ADA2: variants seen among roughly 807,000 people sequenced by gnomAD.
The protein encoded by ADA2 is adenosine deaminase 2.
ADA2 carries 29 observed loss-of-function variants against 44.2 expected under a neutral mutation model. The ratio of observed to expected loss-of-function variants is 0.66; its 90% confidence interval spans 0.49 to 0.89. The LOEUF is 0.89. Ranked by LOEUF, ADA2 falls within the 40% of genes least tolerant of loss-of-function variation. ADA2 has a pLI of 0.00. For missense variants in ADA2, 637 were observed against 644.8 expected, an observed-to-expected ratio of 0.99 and a Z score of 0.13; for synonymous variants, 215 against 234.9, an observed-to-expected ratio of 0.92 and a Z score of 0.77.
intron 7 of ADA2, among the ~76,000 whole-genome samples, chr22:17,183,566 A>T (rs2061999049): frequency 6.9e-6 from 1 of 144,486 alleles, no homozygotes; most frequent in South Asian, 2.1e-4. Flanking sequence ...GTTCAAGCGG[A>T]TTCTCCTGCC....
chr22:17,217,470 A>G (rs1408897460), intron 1 of ADA2, among the ~76,000 whole-genome samples: 1 of 152,204 alleles, frequency 6.6e-6, no homozygotes, highest in African/African-American at 2.4e-5. Flanking sequence ...AAGGAAATGT[A>G]TTCAGCATCT....
chr22:17,187,974 G>A (rs1393413189), intron 7 of ADA2, among the ~76,000 whole-genome samples: 1 of 149,604 alleles, frequency 6.7e-6, no homozygotes, highest in Non-Finnish European at 1.5e-5. Context: ...CGTGGTGGCA[G>A]GTGCCTGTAG....
intron 7 of ADA2, 133 bp downstream of exon 7, chr22:17,188,206 G>A (rs2062061154): frequency 1.7e-6 from 1 of 596,474 alleles, no homozygotes; most frequent in East Asian, 2.8e-5. Flanking sequence ...GCTGTTGTCA[G>A]GATTAAGTGA....
chr22:17,185,304 T>C (rs2062023576), intron 7 of ADA2, among the ~76,000 whole-genome samples: 1 of 151,358 alleles, frequency 6.6e-6, no homozygotes, highest in Non-Finnish European at 1.5e-5. Flanking sequence ...TAGTCCCAGC[T>C]ACTCGGGAGG....
At position 17,181,918 on chromosome 22, in the gene ADA2, G is replaced by A; in HGVS notation, c.1344C>T (p.Ala448=). The A allele has an allele frequency of 6.2e-7, 1 of 1,614,112 alleles. No individual in the cohort carries two copies. The highest frequency in any genetic ancestry group is 8.5e-7 in the Non-Finnish European group (1 of 1,179,990). The change falls in exon 9 of 10, where the codon GCC becomes GCT. Residue 448 remains alanine, a synonymous_variant. Transcript: ENST00000399837. Reference sequence around the variant, plus strand: ...CATAGAAATCATAGGACAAGCCTTTGGCACCAAACATAGCTGGGTCATCAG... The same window carrying A: ...CATAGAAATCATAGGACAAGCCTTTAGCACCAAACATAGCTGGGTCATCAG... ...ISSDDPAMFG[A]KGLSYDFYEV... is the part of the protein sequence containing the mutation.
At chr22:17,202,796 T>C (rs1183304920) in intron 4 of ADA2, among the ~76,000 whole-genome samples, 1 of 150,792 alleles carries the variant, frequency 6.6e-6, no homozygotes. Context: ...TGTGTGTGTG[T>C]TTTTTGAGAC....
chr22:17,192,040 T>G (rs943773032), intron 4 of ADA2, among the ~76,000 whole-genome samples: 1 of 151,642 alleles, frequency 6.6e-6, no homozygotes, highest in African/African-American at 2.4e-5. Flanking sequence ...CTGGGAAAAG[T>G]AGATGGGGTC....
chr22:17,183,890 C>A (rs1258988928), intron 7 of ADA2, among the ~76,000 whole-genome samples: 7 of 151,698 alleles, frequency 4.6e-5, no homozygotes, highest in African/African-American at 1.7e-4. Context: ...GATGTTATCA[C>A]TCGCTAGATG....
chr22:17,204,579 C>T (rs1264285576), intron 3 of ADA2, among the ~76,000 whole-genome samples: 1 of 151,394 alleles, frequency 6.6e-6, no homozygotes, highest in African/African-American at 2.4e-5. Context: ...CACTGTACTC[C>T]AGCCTGGGCG....
chr22:17,217,546 G>T (rs1179431362), intron 1 of ADA2, among the ~76,000 whole-genome samples: 1 of 152,134 alleles, frequency 6.6e-6, no homozygotes, highest in Non-Finnish European at 1.5e-5. Context: ...TTAAGAAGGG[G>T]CAGTGGCTCA....
chr22:17,218,587 C>T (rs898478909), intron 1 of ADA2, among the ~76,000 whole-genome samples: 9 of 152,102 alleles, frequency 5.9e-5, no homozygotes, highest in Admixed American at 5.2e-4. Context: ...CCTGGTGACA[C>T]ATAACAAAGG....
intron 1 of ADA2, among the ~76,000 whole-genome samples, chr22:17,211,132 C>T (rs1198881256): frequency 6.6e-6 from 1 of 151,800 alleles, no homozygotes; most frequent in African/African-American, 2.4e-5. Flanking sequence ...GAGGCCGAGG[C>T]GGGTGGATCA....
rs1310204614 is a variant in ADA2 at position 17,179,487 on chromosome 22, G to GA, written c.*1995dup. 1 of 152,266 alleles carries GA rather than the reference G, an allele frequency of 6.6e-6. No homozygotes were observed. The highest frequency in any genetic ancestry group is 1.5e-5 in the Non-Finnish European group (1 of 68,068). 9.4% of individuals were successfully genotyped at this position (152,266 alleles called of 1,614,324 possible). On this transcript the variant is annotated 3_prime_UTR_variant, in exon 10 of 10. Transcript: ENST00000399837. ...ATAAGCTGTGATTAGAGGCATGATG[G>GA]AAAAGAGCAAGGCTTCCTGAGAGAA...
chr22:17,185,294 T>C (rs1601425812), intron 7 of ADA2, among the ~76,000 whole-genome samples: 1 of 150,738 alleles, frequency 6.6e-6, no homozygotes, highest in African/African-American at 2.4e-5. Flanking sequence ...GGCGCCCGAG[T>C]AGTCCCAGCT....
intron 7 of ADA2, among the ~76,000 whole-genome samples, chr22:17,183,695 C>T (rs2062001041): frequency 6.6e-6 from 1 of 151,752 alleles, no homozygotes; most frequent in African/African-American, 2.4e-5. Context: ...CTCCTGACCT[C>T]AGGGGATCCA....
chr22:17,209,678 CG>C lies in ADA2; in HGVS notation c.-2del. 1 of 1,610,234 alleles carries C rather than the reference CG, an allele frequency of 6.2e-7. No homozygotes were observed. ...GCTCAGATGGGCCATCCACCAACAT[CG>C]GGATGCCTGGACTAGGAAAGGGCTC... On this transcript the variant is annotated 5_prime_UTR_variant, in exon 2 of 10. Transcript: ENST00000399837.
In ADA2 at chr22:17,182,593, G is replaced by A; in HGVS notation, c.1239+11C>T. On this transcript the variant is annotated intron_variant, in intron 8 of 9. Coordinates refer to ENST00000399837, the MANE Select transcript of ADA2 (RefSeq NM_001282225.2). The stretch of plus-strand genomic sequence containing the variant: ...AGATCATATGGGATTAGCCACATGG[G>A]TCACACATACCTGGTTAGAGATGGG... 1 of 1,613,998 alleles carries A rather than the reference G, an allele frequency of 6.2e-7. No homozygotes were observed. Among genetic ancestry groups the A allele is most frequent in the Non-Finnish European group, 8.5e-7 (1 of 1,179,894 alleles).
chr22:17,218,223 TA>T (rs1368660499), intron 1 of ADA2, among the ~76,000 whole-genome samples: 1 of 152,154 alleles, frequency 6.6e-6, no homozygotes, highest in African/African-American at 2.4e-5. Context: ...ATTAAGTAAA[TA>T]GAGGTGCAAG....
chr22:17,189,851 G>T, intron 6 of ADA2, 91 bp downstream of exon 6: 1 of 882,674 alleles, frequency 1.1e-6, no homozygotes, highest in Non-Finnish European at 1.9e-6. Context: ...GGCACATTGC[G>T]CTCCCTTCCC....
Sources: gnomAD v4.1 joint callset for allele counts (sites outside exome capture counted in the v4.1 genomes callset) on GRCh38, gnomAD v4.1.1 for gene constraint, MANE v1.5 for transcripts, NCBI Gene and HGNC (gene_info 2026-07-23, HGNC 2026-07-21) for gene names.